Variants in FBXL17 observed in about 807,000 individuals in gnomAD.
FBXL17 encodes the protein F-box and leucine rich repeat protein 17.
In FBXL17, 22 loss-of-function variants were observed where a neutral mutation model predicts 66.2. The observed-to-expected ratio is 0.33, with a 90% CI of 0.24 to 0.47. The LOEUF (loss-of-function observed/expected upper bound fraction) is 0.47. Ranked by LOEUF, FBXL17 falls within the 20% of genes least tolerant of loss-of-function variation. The pLI is 1.00. For synonymous variants in FBXL17, 474 were observed against 400.5 expected (o/e 1.18, Z -2.19); for missense variants, 878 against 948.2 (o/e 0.93, Z 0.97).
chr5:108,290,727 G>A (rs1279754823), intron 4 of FBXL17, among the ~76,000 whole-genome samples: 1 of 152,044 alleles, frequency 6.6e-6, no homozygotes, highest in Non-Finnish European at 1.5e-5. Context: ...CAACAAAGTT[G>A]TATAATTTTT....
At chr5:108,362,051 A>G (rs1438429757) in intron 3 of FBXL17, among the ~76,000 whole-genome samples, 1 of 152,170 alleles carries the variant, frequency 6.6e-6, no homozygotes, top group African/African-American at 2.4e-5. Context: ...TGACGTTTCC[A>G]GAGTTCTGAC....
At chr5:108,290,631 C>T (rs1175442311) in intron 4 of FBXL17, among the ~76,000 whole-genome samples, 1 of 152,094 alleles carries the variant, frequency 6.6e-6, no homozygotes, top group African/African-American at 2.4e-5. Context: ...ACAGAAATTA[C>T]AGAATAGAAA....
intron 7 of FBXL17, among the ~76,000 whole-genome samples, chr5:108,001,960 T>A (rs1226719956): frequency 6.6e-6 from 1 of 152,086 alleles, no homozygotes; most frequent in Non-Finnish European, 1.5e-5. Context: ...TGCAAAAATA[T>A]GATCATTACC....
At chr5:108,376,695 T>C (rs1413243420) in intron 1 of FBXL17, among the ~76,000 whole-genome samples, 4 of 152,156 alleles carry the variant, frequency 2.6e-5, no homozygotes, top group Non-Finnish European at 5.9e-5. Flanking sequence ...TCTTTTTCCC[T>C]CAGCATGGGT....
At chr5:108,317,149 T>C (rs1580804388) in intron 4 of FBXL17, among the ~76,000 whole-genome samples, 1 of 151,412 alleles carries the variant, frequency 6.6e-6, no homozygotes, top group Middle Eastern at 3.4e-3. Context: ...TGTATTATGT[T>C]TTCCACTACA....
At chr5:107,978,430 TG>T (rs1752671650) in intron 7 of FBXL17, among the ~76,000 whole-genome samples, 1 of 151,960 alleles carries the variant, frequency 6.6e-6, no homozygotes, top group Admixed American at 6.6e-5. Context: ...AAGATATATT[TG>T]CAGTTAAATG....
At chr5:108,238,589 C>A (rs1755710206) in intron 4 of FBXL17, among the ~76,000 whole-genome samples, 1 of 152,084 alleles carries the variant, frequency 6.6e-6, no homozygotes, top group African/African-American at 2.4e-5. Flanking sequence ...CAGCTCACTG[C>A]AGCCTTCACT....
chr5:107,933,847 A>G (rs1750808787), intron 7 of FBXL17, among the ~76,000 whole-genome samples: 1 of 152,142 alleles, frequency 6.6e-6, no homozygotes, highest in Admixed American at 6.6e-5. Context: ...AAACAAAAAC[A>G]TAGATAGGGA....
intron 6 of FBXL17, among the ~76,000 whole-genome samples, chr5:108,161,327 C>CA (rs1326733087): frequency 8.6e-5 from 13 of 151,252 alleles, no homozygotes; most frequent in South Asian, 6.3e-4. Context: ...TACTAAAATA[C>CA]AAAAAAAAAT....
intron 6 of FBXL17, among the ~76,000 whole-genome samples, chr5:108,122,105 A>C (rs1750526627): frequency 6.6e-6 from 1 of 152,174 alleles, no homozygotes; most frequent in Non-Finnish European, 1.5e-5. Flanking sequence ...AAAAGGGCTT[A>C]TTATGTACCA....
chr5:107,916,496 T>A (rs1750139316), intron 7 of FBXL17, among the ~76,000 whole-genome samples: 1 of 152,168 alleles, frequency 6.6e-6, no homozygotes, highest in Non-Finnish European at 1.5e-5. Context: ...GAGATAAAAA[T>A]GAAACTAAAT....
chr5:107,915,400 T>A (rs1367371437), intron 7 of FBXL17, among the ~76,000 whole-genome samples: 1 of 152,206 alleles, frequency 6.6e-6, no homozygotes, highest in Non-Finnish European at 1.5e-5. Flanking sequence ...GTGTTTTTAT[T>A]TTAGATAACT....
intron 4 of FBXL17, among the ~76,000 whole-genome samples, chr5:108,246,996 G>A (rs763432509): frequency 3.3e-5 from 5 of 152,054 alleles, no homozygotes; most frequent in Non-Finnish European, 5.9e-5. Context: ...GGGCCTGACT[G>A]GGAGTAAATA....
At chr5:107,924,398 T>C (rs1196906564) in intron 7 of FBXL17, among the ~76,000 whole-genome samples, 1 of 152,190 alleles carries the variant, frequency 6.6e-6, no homozygotes, top group Non-Finnish European at 1.5e-5. Flanking sequence ...ATTTATTACA[T>C]GTAACTGGGT....
At chr5:107,949,744 C>T (rs577980265) in intron 7 of FBXL17, among the ~76,000 whole-genome samples, 2 of 152,250 alleles carry the variant, frequency 1.3e-5, no homozygotes, top group South Asian at 4.1e-4. Flanking sequence ...AGGAGCTTTA[C>T]AAAATTATTC....
At chr5:108,082,379 T>C (rs993598431) in intron 6 of FBXL17, among the ~76,000 whole-genome samples, 3 of 152,186 alleles carry the variant, frequency 2.0e-5, no homozygotes, top group Non-Finnish European at 4.4e-5. Context: ...CCTCATAGCA[T>C]TGTTATAAAA....
At chr5:108,060,121 A>C (rs1747865065) in intron 6 of FBXL17, among the ~76,000 whole-genome samples, 1 of 151,334 alleles carries the variant, frequency 6.6e-6, no homozygotes, top group Non-Finnish European at 1.5e-5. Context: ...TAGTAATATT[A>C]TACTAAGTAC....
intron 6 of FBXL17, among the ~76,000 whole-genome samples, chr5:108,135,814 C>T (rs1384479992): frequency 6.6e-6 from 1 of 152,092 alleles, no homozygotes; most frequent in African/African-American, 2.4e-5. Flanking sequence ...ATAAGTTGGA[C>T]ATATCTGATC....
intron 7 of FBXL17, among the ~76,000 whole-genome samples, chr5:108,004,630 A>C (rs1187439741): frequency 6.6e-6 from 1 of 152,184 alleles, no homozygotes; most frequent in African/African-American, 2.4e-5. Flanking sequence ...AGGACAGCTT[A>C]GTTCTGGTTC....
Sources: allele counts gnomAD v4.1 joint callset (sites outside exome capture counted in the v4.1 genomes callset), GRCh38; gene constraint gnomAD v4.1.1; transcripts MANE v1.5; gene names NCBI Gene and HGNC (gene_info 2026-07-23, HGNC 2026-07-21).